Variants in PTPRK observed in about 807,000 individuals in gnomAD.
PTPRK encodes protein tyrosine phosphatase receptor type K, also known as receptor-type tyrosine-protein phosphatase kappa.
PTPRK carries 75 observed loss-of-function variants against 178.0 expected under a neutral mutation model. The ratio of observed to expected loss-of-function variants is 0.42; its 90% CI spans 0.35 to 0.51. The LOEUF is 0.51. Ranked by LOEUF, PTPRK falls within the 20% of genes least tolerant of loss-of-function variation. The pLI, the probability that PTPRK is intolerant of heterozygous loss-of-function variation, is 0.02. For missense variants in PTPRK, 1,441 were observed against 1,797.8 expected (o/e 0.80, Z 3.59); for synonymous variants, 637 against 620.6 (o/e 1.03, Z -0.39).
At chr6:128,239,896 GCAGA>G (rs767054245) in intron 5 of PTPRK, 135 bp downstream of exon 5, 14 of 501,440 alleles carry the variant, frequency 2.8e-5, no homozygotes, top group Non-Finnish European at 4.9e-5. Flanking sequence ...TTAAACTCAC[GCAGA>G]CAGCCTGTCC....
At chr6:128,201,422 G>A (rs1211963381) in intron 6 of PTPRK, among the ~76,000 whole-genome samples, 2 of 152,222 alleles carry the variant, frequency 1.3e-5, no homozygotes, top group Non-Finnish European at 2.9e-5. Flanking sequence ...GAGTGTGCAT[G>A]AGTGTGTGCG....
At chr6:128,047,587 T>C (rs558361887) in intron 13 of PTPRK, among the ~76,000 whole-genome samples, 4 of 152,324 alleles carry the variant, frequency 2.6e-5, no homozygotes, top group African/African-American at 9.6e-5. Context: ...AGTCAAAGTG[T>C]TTTCTGGTAT....
chr6:128,503,505 G>C (rs2128438735), intron 1 of PTPRK, among the ~76,000 whole-genome samples: 1 of 152,230 alleles, frequency 6.6e-6, no homozygotes, highest in African/African-American at 2.4e-5. Flanking sequence ...TAAGTGCAGG[G>C]ACTTAGTCAA....
chr6:128,424,512 C>A (rs1843875391), intron 1 of PTPRK, among the ~76,000 whole-genome samples: 1 of 152,142 alleles, frequency 6.6e-6, no homozygotes. Context: ...ATTCCTTCTC[C>A]TTTACTGACA....
rs114519543 is a variant in PTPRK, at chr6:127,970,642, A to C, written c.4270-362T>G. 6.1e-3 allele frequency among the ~76,000 whole-genome samples: 926 copies of C among 152,226 alleles called. 10 individuals are homozygous for C. Among genetic ancestry groups the C allele is most frequent in the African/African-American group, 0.021 (873 of 41,586 alleles). On this transcript the variant is annotated intron_variant, in intron 29 of 29. Coordinates refer to ENST00000368226, the MANE Select transcript of PTPRK (RefSeq NM_002844.4). ...AACAAACATAAAGAATGAGAAAAAG[A>C]GCTATAATTCTATCATCAGAAGAAA...
intron 7 of PTPRK, among the ~76,000 whole-genome samples, chr6:128,104,027 T>C (rs1789246064): frequency 6.6e-6 from 1 of 152,304 alleles, no homozygotes; most frequent in East Asian, 1.9e-4. Context: ...AGGGCCTTTG[T>C]ACCTGCTTTT....
intron 3 of PTPRK, among the ~76,000 whole-genome samples, chr6:128,301,152 C>T (rs1825542462): frequency 6.6e-6 from 1 of 152,092 alleles, no homozygotes; most frequent in African/African-American, 2.4e-5. Context: ...GTGAATGTTT[C>T]CCCTAATGGA....
intron 13 of PTPRK, among the ~76,000 whole-genome samples, chr6:128,043,713 C>A (rs1336416311): frequency 1.3e-5 from 2 of 151,662 alleles, no homozygotes; most frequent in African/African-American, 4.8e-5. Context: ...TGCATGTTAT[C>A]AATATATAGA....
chr6:128,321,830 TCAA>T, intron 3 of PTPRK: 1 of 730,248 alleles, frequency 1.4e-6, no homozygotes, highest in East Asian at 2.7e-5. Context: ...CACTTCCTCA[TCAA>T]CAGGGTGGGG....
Position 128,205,599 on chromosome 6 carries a change from C to T in PTPRK, c.868+13323G>A, listed in dbSNP as rs539643515. On this transcript the variant is annotated intron_variant, in intron 6 of 29. Transcript: ENST00000368226. ...CCAAACATGGCCAATATGGCGAAACCCCATCTCTATTAAAAATACACAAAA... is the reference window on the plus strand; with the variant it reads ...CCAAACATGGCCAATATGGCGAAACTCCATCTCTATTAAAAATACACAAAA... 2.0e-3 allele frequency among the ~76,000 whole-genome samples: 302 copies of T among 151,058 alleles called. 2 individuals are homozygous for T. Among genetic ancestry groups the T allele is most frequent in the African/African-American group, 6.9e-3 (284 of 41,138 alleles).
intron 5 of PTPRK, among the ~76,000 whole-genome samples, chr6:128,231,794 AAAAC>A (rs1812345198): frequency 6.6e-6 from 1 of 152,368 alleles, no homozygotes; most frequent in South Asian, 2.1e-4. Flanking sequence ...AGAAATTGAA[AAAAC>A]AAACTCATTG....
chr6:128,400,737 G>A (rs1840911989), intron 1 of PTPRK, among the ~76,000 whole-genome samples: 1 of 152,084 alleles, frequency 6.6e-6, no homozygotes. Context: ...ATCATACGTG[G>A]TCCTCAATAC....
intron 27 of PTPRK, among the ~76,000 whole-genome samples, chr6:127,975,854 G>A (rs1774509678): frequency 1.3e-5 from 2 of 148,646 alleles, no homozygotes; most frequent in South Asian, 2.1e-4. Context: ...TGTATTTTTA[G>A]TAGAGATGGG....
chr6:128,337,188 C>T (rs1193579363), intron 2 of PTPRK, among the ~76,000 whole-genome samples: 1 of 152,064 alleles, frequency 6.6e-6, no homozygotes, highest in Non-Finnish European at 1.5e-5. Context: ...ATTTACATTG[C>T]CCACTTTGTA....
chr6:128,308,124 A>G (rs1419536574), intron 3 of PTPRK, among the ~76,000 whole-genome samples: 2 of 150,860 alleles, frequency 1.3e-5, no homozygotes, highest in Non-Finnish European at 3.0e-5. Flanking sequence ...AAACCTGGAT[A>G]TTGACTGGGA....
chr6:128,084,004 AT>A (rs1183887778), intron 8 of PTPRK, among the ~76,000 whole-genome samples, 180 bp from the exon 9 acceptor site: 1 of 152,190 alleles, frequency 6.6e-6, no homozygotes, highest in Non-Finnish European at 1.5e-5. Context: ...ATATATGAGA[AT>A]TTAAAGCAAG....
chr6:128,099,245 T>C (rs1295161256), intron 7 of PTPRK, among the ~76,000 whole-genome samples: 1 of 151,386 alleles, frequency 6.6e-6, no homozygotes, highest in Admixed American at 6.6e-5. Context: ...GGTGCATAAA[T>C]AGTACATGTT....
chr6:128,360,691 G>A (rs1834618979), intron 2 of PTPRK, among the ~76,000 whole-genome samples: 1 of 151,688 alleles, frequency 6.6e-6, no homozygotes, highest in African/African-American at 2.4e-5. Flanking sequence ...CCTTCATGTT[G>A]ATATGAGCAT....
chr6:127,982,733 G>A (rs1775493563), intron 24 of PTPRK, 98 bp downstream of exon 24: 2 of 1,052,996 alleles, frequency 1.9e-6, no homozygotes, highest in Admixed American at 2.3e-5. Flanking sequence ...AGGATCAAAG[G>A]TTATAAATTT....
Sources: gnomAD v4.1 joint callset for allele counts (sites outside exome capture counted in the v4.1 genomes callset) on GRCh38, gnomAD v4.1.1 for gene constraint, MANE v1.5 for transcripts, NCBI Gene and HGNC (gene_info 2026-07-23, HGNC 2026-07-21) for gene names.